Variants in FBXO33 observed in about 807,000 individuals in gnomAD.
FBXO33 encodes F-box protein 33, also known as F-box only protein 33.
Under a neutral mutation model 46.3 loss-of-function variants are expected in FBXO33, and 22 were observed. The observed-to-expected ratio is 0.48, with a 90% CI of 0.34 to 0.68. The LOEUF (loss-of-function observed/expected upper bound fraction) is 0.68, where lower values mean the gene tolerates loss of function less well. FBXO33 is among the 30% of genes least tolerant of loss of function. FBXO33 has a pLI of 0.01. For synonymous variants in FBXO33, 337 were observed against 291.3 expected (o/e 1.16, Z -1.60); for missense variants, 692 against 708.8 (o/e 0.98, Z 0.27).
At chr14:39,408,829 G>T (rs993073413) in intron 1 of FBXO33, among the ~76,000 whole-genome samples, 3 of 151,894 alleles carry the variant, frequency 2.0e-5, no homozygotes, top group African/African-American at 7.3e-5. Flanking sequence ...AGCATGGAAT[G>T]CAGTGGTGTA....
chr14:39,421,341 T>G (rs8019328), intron 1 of FBXO33, among the ~76,000 whole-genome samples: 71,976 of 151,958 alleles, frequency 0.47, 18,842 homozygotes, highest in Non-Finnish European at 0.59. Context: ...GTGATGAGCA[T>G]CTACATGGAA....
At chr14:39,428,849 G>A (rs757470852) in intron 1 of FBXO33, among the ~76,000 whole-genome samples, 7 of 152,200 alleles carry the variant, frequency 4.6e-5, no homozygotes, top group Non-Finnish European at 1.0e-4. Flanking sequence ...TTCAGCCTAT[G>A]TGACCTAAAA....
At chr14:39,421,212 T>C (rs1182827553) in intron 1 of FBXO33, among the ~76,000 whole-genome samples, 1 of 152,252 alleles carries the variant, frequency 6.6e-6, no homozygotes, top group Non-Finnish European at 1.5e-5. Context: ...TTTGAGGTTT[T>C]GAAAAGTAGG....
intron 1 of FBXO33, among the ~76,000 whole-genome samples, chr14:39,409,634 G>A (rs2075413714): frequency 6.6e-6 from 1 of 152,174 alleles, no homozygotes; most frequent in Non-Finnish European, 1.5e-5. Flanking sequence ...GATTTTAATA[G>A]AGATTGCATT....
At chr14:39,422,951 G>A (rs1482236091) in intron 1 of FBXO33, among the ~76,000 whole-genome samples, 2 of 152,072 alleles carry the variant, frequency 1.3e-5, no homozygotes, top group Admixed American at 6.6e-5. Context: ...GTGAAACCCT[G>A]TCTCTACTAA....
chr14:39,428,118 T>G (rs1567079711), intron 1 of FBXO33, among the ~76,000 whole-genome samples: 1 of 152,224 alleles, frequency 6.6e-6, no homozygotes, highest in Non-Finnish European at 1.5e-5. Flanking sequence ...TCAATCTACA[T>G]ACAAGCAGTT....
At chr14:39,428,956 A>C (rs913980482) in intron 1 of FBXO33, among the ~76,000 whole-genome samples, 1 of 152,188 alleles carries the variant, frequency 6.6e-6, no homozygotes, top group African/African-American at 2.4e-5. Flanking sequence ...CTGAAACGTG[A>C]AGGACTGTGT....
At chr14:39,413,390 C>A (rs1326321777) in intron 1 of FBXO33, among the ~76,000 whole-genome samples, 1 of 152,220 alleles carries the variant, frequency 6.6e-6, no homozygotes. Flanking sequence ...TTCACCACAT[C>A]TACAGTGACT....
intron 3 of FBXO33, among the ~76,000 whole-genome samples, chr14:39,400,974 A>G (rs1428638691): frequency 6.6e-6 from 1 of 152,350 alleles, no homozygotes; most frequent in Non-Finnish European, 1.5e-5. Flanking sequence ...GTAACAGGGA[A>G]GCTGGAGCAG....
chr14:39,419,979 G>A (rs183881958), intron 1 of FBXO33, among the ~76,000 whole-genome samples: 3 of 152,186 alleles, frequency 2.0e-5, no homozygotes, highest in South Asian at 2.1e-4. Context: ...ATCATCAAAA[G>A]AGAATGAATT....
Position 39,408,653 on chromosome 14 carries a change from C to A in FBXO33, c.600-6142G>T, listed in dbSNP as rs2075409238. Among the ~76,000 whole-genome samples the A allele has an allele frequency of 2.0e-5, 3 of 148,384 alleles. No homozygotes were observed. In the Admixed American group the frequency reaches 2.1e-4, roughly 10 times the overall value. On this transcript the variant is annotated intron_variant, in intron 1 of 3. Coordinates refer to ENST00000298097, the MANE Select transcript of FBXO33 (RefSeq NM_203301.4). The stretch of plus-strand genomic sequence containing the variant: ...TCAGCCTCCCAAGTAGCTGGGATTA[C>A]AAGTGTGCACCACCATGCCTATTTT...
rs397933598 is a variant in FBXO33 at position 39,405,502 on chromosome 14, G to GA, written c.600-2992_600-2991insT. Among the ~76,000 whole-genome samples, 6 of 151,542 alleles carry GA rather than the reference G, an allele frequency of 4.0e-5. No homozygotes were observed. The South Asian group carries it at 1.3e-3, about 32-fold the overall frequency. On this transcript the variant is annotated intron_variant, in intron 1 of 3. Coordinates refer to ENST00000298097, the MANE Select transcript of FBXO33 (RefSeq NM_203301.4). ...GAAAATCAGGGAATTTTTTGGGGGG[G>GA]TGTGGAGGCATGGTGGTGAAGTAAA... is the stretch of plus-strand genomic sequence containing the variant.
At chr14:39,415,185 A>G (rs2075441674) in intron 1 of FBXO33, among the ~76,000 whole-genome samples, 1 of 152,186 alleles carries the variant, frequency 6.6e-6, no homozygotes, top group African/African-American at 2.4e-5. Flanking sequence ...CTGTAATCCA[A>G]GCACTCTGGG....
At chr14:39,428,301 C>T (rs962921662) in intron 1 of FBXO33, among the ~76,000 whole-genome samples, 2 of 152,078 alleles carry the variant, frequency 1.3e-5, no homozygotes, top group African/African-American at 4.8e-5. Flanking sequence ...TGCCTCCTGA[C>T]TTCAAGCGAT....
intron 3 of FBXO33, among the ~76,000 whole-genome samples, chr14:39,400,531 A>G (rs1446224786): frequency 6.6e-6 from 1 of 152,232 alleles, no homozygotes; most frequent in Non-Finnish European, 1.5e-5. Context: ...AAAGCAAGGC[A>G]TACATTCCCA....
At chr14:39,424,914 G>A (rs181617299) in intron 1 of FBXO33, among the ~76,000 whole-genome samples, 57 of 152,108 alleles carry the variant, frequency 3.7e-4, no homozygotes, top group Non-Finnish European at 2.6e-4. Flanking sequence ...TTAGCTGGGC[G>A]TGGTGGTGCA....
rs1303845189 is a variant in FBXO33 at position 39,401,426 on chromosome 14, T to C, written c.1146A>G (p.Glu382=). 6.2e-7 allele frequency: 1 copy of C among 1,614,206 alleles called. No homozygotes were observed. The highest frequency in any genetic ancestry group is 1.1e-5 in the South Asian group (1 of 91,082). ...VYIMAFDIKS[E]DMLKILKPSI... The stretch of plus-strand genomic sequence containing the variant: ...TGGGTTTCAGAATCTTTAACATATC[T>C]TCACTCTTGATATCAAAAGCCATTA... Residue 382 remains glutamate (E), a synonymous_variant, in exon 3 of 4, where the codon GAA becomes GAG. Transcript: ENST00000298097.
At chr14:39,419,690 T>G (rs1159949863) in intron 1 of FBXO33, among the ~76,000 whole-genome samples, 1 of 152,230 alleles carries the variant, frequency 6.6e-6, no homozygotes. Context: ...GCAAGTGAAC[T>G]AAAGAAATCA....
intron 3 of FBXO33, among the ~76,000 whole-genome samples, chr14:39,400,631 G>A (rs1316547220): frequency 6.6e-6 from 1 of 152,116 alleles, no homozygotes; most frequent in Non-Finnish European, 1.5e-5. Flanking sequence ...AGACTACTTT[G>A]TAATTATCTT....
Sources: allele counts gnomAD v4.1 joint callset (sites outside exome capture counted in the v4.1 genomes callset), GRCh38; gene constraint gnomAD v4.1.1; transcripts MANE v1.5; gene names NCBI Gene and HGNC (gene_info 2026-07-23, HGNC 2026-07-21).